The following ATP8A1 variants were observed in gnomAD, a reference collection of about 807,000 sequenced individuals.
The protein encoded by ATP8A1 is phospholipid-transporting ATPase IA.
A neutral mutation model predicts 177.7 loss-of-function variants in ATP8A1; 90 were observed. The observed-to-expected ratio is 0.51, with a 90% confidence interval of 0.43 to 0.60. The LOEUF (loss-of-function observed/expected upper bound fraction) is 0.60. ATP8A1 is among the 20% of genes least tolerant of loss of function. The pLI, the probability that ATP8A1 is intolerant of heterozygous loss-of-function variation, is 0.00. For missense variants in ATP8A1, 1,072 were observed against 1,392.8 expected, an observed-to-expected ratio of 0.77 and a Z score of 3.67; for synonymous variants, 493 against 485.9, an observed-to-expected ratio of 1.01 and a Z score of -0.19.
chr4:42,594,537 C>A (rs1399969518), intron 6 of ATP8A1, among the ~76,000 whole-genome samples: 1 of 151,806 alleles, frequency 6.6e-6, no homozygotes, highest in Non-Finnish European at 1.5e-5. Context: ...TTGGAGGAAT[C>A]CTTTAAAAAA....
chr4:42,443,645 T>C lies in ATP8A1; in HGVS notation c.3043A>G (p.Ile1015Val). The C allele has an allele frequency of 3.2e-6, 5 of 1,560,342 alleles. No homozygotes were observed. Among genetic ancestry groups the C allele is most frequent in the Non-Finnish European group, 2.7e-6 (3 of 1,131,032 alleles). Residue 1015 changes from isoleucine (I) to valine (V), a missense_variant, in exon 33 of 37, where the codon ATC becomes GTC. Coordinates refer to ENST00000381668, the MANE Select transcript of ATP8A1 (RefSeq NM_006095.2). The stretch of plus-strand genomic sequence containing the variant: ...CCAAAAAACACCACCCAGAGTGCGA[T>C]GCTCCCCCATATCGCTATGTGGCTG... ...WFSHIAIWGS[I>V]ALWVVFFGIY...
At chr4:42,544,155 C>A (rs1216939743) in intron 19 of ATP8A1, among the ~76,000 whole-genome samples, 169 bp from the exon 20 acceptor site, 1 of 152,090 alleles carries the variant, frequency 6.6e-6, no homozygotes, top group Non-Finnish European at 1.5e-5. Flanking sequence ...CAGCTGGGCA[C>A]CTGTAAAAGT....
chr4:42,453,160 C>T (rs1056759799), intron 29 of ATP8A1, among the ~76,000 whole-genome samples: 1 of 152,182 alleles, frequency 6.6e-6, no homozygotes, highest in African/African-American at 2.4e-5. Context: ...TTGTCACATG[C>T]TAATCCTTTA....
intron 22 of ATP8A1, among the ~76,000 whole-genome samples, chr4:42,509,426 C>T (rs887595860): frequency 2.0e-5 from 3 of 152,192 alleles, no homozygotes; most frequent in African/African-American, 4.8e-5. Context: ...CCCGCTATAG[C>T]GGCCATACAG....
rs1269154119 is a variant in ATP8A1, at chr4:42,566,344, G to A, written c.1340+2817C>T. Among the ~76,000 whole-genome samples, 3 of 152,238 alleles carry A rather than the reference G, an allele frequency of 2.0e-5. No individual in the cohort carries two copies. The South Asian group carries it at 6.2e-4, about 32-fold the overall frequency. On this transcript the variant is annotated intron_variant, in intron 15 of 36. Coordinates refer to ENST00000381668, the MANE Select transcript of ATP8A1 (RefSeq NM_006095.2). ...CTGAAGCTGCTGAACAGCCATATTG[G>A]AATGCCCTTTCAGATTTTGGATTTA...
intron 22 of ATP8A1, among the ~76,000 whole-genome samples, chr4:42,512,504 C>T (rs572944888): frequency 3.9e-5 from 6 of 152,196 alleles, no homozygotes; most frequent in Middle Eastern, 3.4e-3. Flanking sequence ...GTACTTGTGC[C>T]GGGGATACAA....
At chr4:42,460,948 A>G (rs927069871) in intron 27 of ATP8A1, among the ~76,000 whole-genome samples, 4 of 152,148 alleles carry the variant, frequency 2.6e-5, no homozygotes, top group African/African-American at 4.8e-5. Context: ...GCAACTTTTT[A>G]AAAAAAGGCA....
chr4:42,424,261 C>G (rs2153168303), intron 33 of ATP8A1, among the ~76,000 whole-genome samples: 1 of 151,344 alleles, frequency 6.6e-6, no homozygotes, highest in East Asian at 1.9e-4. Context: ...TGTATTAGAG[C>G]CTTTTGGGTT....
chr4:42,587,194 T>C (rs1733699121), intron 8 of ATP8A1, among the ~76,000 whole-genome samples: 1 of 152,206 alleles, frequency 6.6e-6, no homozygotes, highest in Non-Finnish European at 1.5e-5. Context: ...AGTTTTTGAA[T>C]GGCAATAGAA....
chr4:42,427,483 G>A (rs78464538), intron 33 of ATP8A1, among the ~76,000 whole-genome samples: 8,638 of 152,286 alleles, frequency 0.057, 340 homozygotes, highest in Non-Finnish European at 0.093. Context: ...CCATCAGTTT[G>A]GTGGAGTGAG....
intron 33 of ATP8A1, among the ~76,000 whole-genome samples, chr4:42,434,424 T>C (rs1715678968): frequency 6.6e-6 from 1 of 152,230 alleles, no homozygotes; most frequent in South Asian, 2.1e-4. Flanking sequence ...ATAACCTGCA[T>C]TTCAAGACTG....
intron 1 of ATP8A1, among the ~76,000 whole-genome samples, chr4:42,652,533 C>G (rs971898862): frequency 5.3e-5 from 8 of 152,114 alleles, no homozygotes; most frequent in Non-Finnish European, 1.2e-4. Flanking sequence ...CCTATGTTTA[C>G]TAAATATTCA....
rs1455643429 is a variant in ATP8A1 at position 42,410,349 on chromosome 4, T to G, written c.*2567A>C. 2.0e-5 allele frequency: 3 copies of G among 152,196 alleles called. No homozygotes were observed. Among genetic ancestry groups the G allele is most frequent in the Non-Finnish European group, 2.9e-5 (2 of 68,022 alleles). 9.4% of individuals were successfully genotyped at this position (152,196 alleles called of 1,614,324 possible). A position where few individuals can be genotyped will look rare whatever the true frequency, so the allele number is the denominator to read the frequency against. On this transcript the variant is annotated 3_prime_UTR_variant, in exon 37 of 37. Coordinates refer to ENST00000381668, the MANE Select transcript of ATP8A1 (RefSeq NM_006095.2). ...ATTGTAAAGCAACTGTGTTAGCATT[T>G]GCCAGAGTCCCTATAAGGAACTTTT...
chr4:42,558,860 A>C (rs1227158842), intron 15 of ATP8A1, among the ~76,000 whole-genome samples: 1 of 152,226 alleles, frequency 6.6e-6, no homozygotes, highest in African/African-American at 2.4e-5. Flanking sequence ...ACATAAATCT[A>C]AATATTTCTG....
chr4:42,637,101 T>A (rs1317271990), intron 1 of ATP8A1: 1 of 517,690 alleles, frequency 1.9e-6, no homozygotes, highest in African/African-American at 1.9e-5. Flanking sequence ...CTACCCAGAC[T>A]GGCTAGCCTT....
chr4:42,601,585 T>C (rs1577679516), intron 5 of ATP8A1, among the ~76,000 whole-genome samples: 2 of 151,924 alleles, frequency 1.3e-5, no homozygotes, highest in African/African-American at 4.8e-5. Context: ...TAAGAGAGTA[T>C]GTGAGGTAGC....
At chr4:42,526,315 T>C (rs1178293346) in intron 20 of ATP8A1, among the ~76,000 whole-genome samples, 1 of 152,214 alleles carries the variant, frequency 6.6e-6, no homozygotes, top group Non-Finnish European at 1.5e-5. Context: ...TAGCCATGCC[T>C]ACACATGAAA....
At chr4:42,654,386 G>C (rs1057129499) in intron 1 of ATP8A1, among the ~76,000 whole-genome samples, 5 of 152,088 alleles carry the variant, frequency 3.3e-5, no homozygotes, top group Admixed American at 3.3e-4. Context: ...TGGATGAAGG[G>C]AACAGAAACC....
chr4:42,590,975 G>T, intron 6 of ATP8A1, 91 bp from the exon 7 acceptor site: 1 of 1,171,530 alleles, frequency 8.5e-7, no homozygotes, highest in Non-Finnish European at 1.2e-6. Context: ...GAGACAGAAA[G>T]TTCGAAATTA....
Sources: gnomAD v4.1 joint callset for allele counts (sites outside exome capture counted in the v4.1 genomes callset) on GRCh38, gnomAD v4.1.1 for gene constraint, MANE v1.5 for transcripts, NCBI Gene and HGNC (gene_info 2026-07-23, HGNC 2026-07-21) for gene names.